The following KIAA1210 variants were observed in gnomAD, a reference collection of about 807,000 sequenced individuals.
The protein encoded by KIAA1210 is KIAA1210, also known as acrosomal protein KIAA1210.
KIAA1210 carries 48 observed loss-of-function variants against 78.9 expected under a neutral mutation model. The ratio of observed to expected loss-of-function variants is 0.61; its 90% CI spans 0.48 to 0.77. KIAA1210 has a LOEUF of 0.77. Ranked by LOEUF, KIAA1210 falls within the 30% of genes least tolerant of loss-of-function variation. The pLI is 0.00. For synonymous variants in KIAA1210, 406 were observed against 404.5 expected, an observed-to-expected ratio of 1.00 and a Z score of -0.04; for missense variants, 1,108 against 1,100.0, an observed-to-expected ratio of 1.01 and a Z score of -0.10.
At chrX:119,116,453 C>T (rs781524686) in intron 3 of KIAA1210, 43 bp downstream of exon 3, 1 of 1,180,154 alleles carries the variant, frequency 8.5e-7, no homozygotes, top group South Asian at 1.9e-5. Flanking sequence ...AACTGCCTGC[C>T]TCTTCCCCTG....
At position 119,087,645 on chromosome X, in the gene KIAA1210, T is replaced by C. The variant is rs772112683; in HGVS notation, c.3057A>G (p.Ser1019=). 1 of 1,211,450 alleles carries C rather than the reference T, an allele frequency of 8.3e-7. No homozygotes were observed. Among genetic ancestry groups the C allele is most frequent in the Non-Finnish European group, 1.1e-6 (1 of 895,393 alleles). Residue 1019 remains serine, a synonymous_variant, in exon 9 of 12, where the codon TCA becomes TCG. Transcript: ENST00000691062. ...KSPIPRRPTQ[S]FVKFMAQQIF... ...TTTGCTGTGCCATAAATTTCACGAATGACTGGGTCGGACGCCTGGGAATCG... is the reference window on the plus strand; with the variant it reads ...TTTGCTGTGCCATAAATTTCACGAACGACTGGGTCGGACGCCTGGGAATCG...
chrX:119,122,809 G>A (rs1295715202), intron 2 of KIAA1210, among the ~76,000 whole-genome samples: 1 of 111,887 alleles, frequency 8.9e-6, no homozygotes, highest in African/African-American at 3.3e-5. Context: ...CTGTGATCAG[G>A]CTCTCAGCAT....
At chrX:119,100,196 G>T (rs1166852293) in intron 6 of KIAA1210, among the ~76,000 whole-genome samples, 1 of 109,643 alleles carries the variant, frequency 9.1e-6, no homozygotes, top group South Asian at 4.0e-4. Flanking sequence ...CGGGCATGGT[G>T]GTGCACACCT....
In KIAA1210 at chrX:119,088,397, T is replaced by A. The variant is rs3761592; in HGVS notation, c.2305A>T (p.Ile769Phe). The change falls in exon 9 of 12, where the codon ATC becomes TTC. Residue 769 changes from isoleucine (I) to phenylalanine (F), a missense_variant. Coordinates refer to ENST00000691062, the MANE Select transcript of KIAA1210 (RefSeq NM_001394962.1). ...SIKQSDSVEP[I>F]PPRHPFQPWV... ...GGCTGGAAAGGGTGTCTTGGAGGGA[T>A]TGGCTCCACGGAATCGCTCTGTTTT... is the stretch of plus-strand genomic sequence containing the variant. 0.097 allele frequency: 117,074 copies of A among 1,208,446 alleles called. 8,787 individuals carry two copies. Among genetic ancestry groups the A allele is most frequent in the East Asian group, 0.47 (15,678 of 33,627 alleles).
chrX:119,133,420 G>A (rs750155050), intron 2 of KIAA1210, among the ~76,000 whole-genome samples: 3 of 111,789 alleles, frequency 2.7e-5, no homozygotes, highest in Admixed American at 9.5e-5. Flanking sequence ...ATTTGGTGGG[G>A]TAGGGGTTTG....
rs764380615 is a variant in KIAA1210 at position 119,087,822 on chromosome X, G to A, written c.2880C>T (p.Ser960=). The change falls in exon 9 of 12, where the codon TCC becomes TCT. Residue 960 remains serine (S), a synonymous_variant. Coordinates refer to ENST00000691062, the MANE Select transcript of KIAA1210 (RefSeq NM_001394962.1). ...CAATAGCAGCCCGCTCGAAATTTGAGGACAGTTGCTGGACTTTATTTCCCA... is the reference window on the plus strand; with the variant it reads ...CAATAGCAGCCCGCTCGAAATTTGAAGACAGTTGCTGGACTTTATTTCCCA... ...LTVGNKVQQL[S]SNFERAAIEA... is the part of the protein sequence containing the mutation. 5 of 1,211,682 alleles carry A rather than the reference G, an allele frequency of 4.1e-6. No individual in the cohort carries two copies. The East Asian group carries it at 1.5e-4, about 36-fold the overall frequency.
chrX:119,124,888 CAAA>C (rs372888063), intron 1 of KIAA1210, among the ~76,000 whole-genome samples: 3 of 70,440 alleles, frequency 4.3e-5, no homozygotes, highest in Non-Finnish European at 2.8e-5. Flanking sequence ...GACCCTGTCT[CAAA>C]AAAAAAAAAA....
chrX:119,143,332 T>C (rs756964314), intron 2 of KIAA1210, among the ~76,000 whole-genome samples: 10 of 112,300 alleles, frequency 8.9e-5, no homozygotes, highest in African/African-American at 3.2e-4. Context: ...TTAGCCACCA[T>C]TGGATCAATA....
At chrX:119,128,099 G>A (rs757281055), upstream of KIAA1210, among the ~76,000 whole-genome samples, 42 of 111,124 alleles carry the variant, frequency 3.8e-4, no homozygotes, top group African/African-American at 1.2e-3. Flanking sequence ...GAGCAGAATT[G>A]CAAGCCACGT....
intron 2 of KIAA1210, among the ~76,000 whole-genome samples, chrX:119,139,764 G>A (rs142675651): frequency 1.2e-3 from 131 of 111,778 alleles, no homozygotes; most frequent in African/African-American, 3.9e-3. Context: ...GGCAAGTGTG[G>A]TGAAGAAAAA....
chrX:119,093,620 T>C (rs1009432463), intron 8 of KIAA1210, 47 bp downstream of exon 8: 1 of 984,003 alleles, frequency 1.0e-6, no homozygotes, highest in Non-Finnish European at 1.4e-6. Context: ...CACTGTGCAA[T>C]GAAGTCTGTC....
intron 1 of KIAA1210, among the ~76,000 whole-genome samples, chrX:119,148,506 G>A (rs919857908): frequency 1.8e-5 from 2 of 111,794 alleles, no homozygotes; most frequent in East Asian, 5.6e-4. Context: ...TGTGCAATAT[G>A]GTATCACATA....
intron 2 of KIAA1210, among the ~76,000 whole-genome samples, chrX:119,143,386 A>T (rs373573762): frequency 1.8e-5 from 2 of 112,062 alleles, no homozygotes; most frequent in East Asian, 5.6e-4. Context: ...CTCCTGGGAA[A>T]CCAGCTGTCC....
At chrX:119,101,855 T>C (rs1248849586) in intron 6 of KIAA1210, among the ~76,000 whole-genome samples, 1 of 112,234 alleles carries the variant, frequency 8.9e-6, no homozygotes, top group African/African-American at 3.2e-5. Flanking sequence ...ATACCACTTA[T>C]TGGCTGTCTG....
At chrX:119,151,123 G>T (rs1366865758), upstream of KIAA1210, among the ~76,000 whole-genome samples, 1 of 112,403 alleles carries the variant, frequency 8.9e-6, no homozygotes, top group Non-Finnish European at 1.9e-5. Flanking sequence ...CCCACAGGCC[G>T]AAGCAATAAC....
rs1410147840 is a variant in KIAA1210, at chrX:119,087,939, C to T, written c.2763G>A (p.Leu921=). 8.3e-7 allele frequency: 1 copy of T among 1,211,821 alleles called. No individual in the cohort carries two copies. The highest frequency in any genetic ancestry group is 2.2e-5 in the Admixed American group (1 of 46,064). Residue 921 remains leucine (L), a synonymous_variant, in exon 9 of 12, where the codon CTG becomes CTA. Transcript: ENST00000691062. Reference sequence around the variant, plus strand: ...TTTCTGGATGTGCAGAGAGTTGATACAGTTCCTCAAATTTAGGGGTCACCC... The same window carrying T: ...TTTCTGGATGTGCAGAGAGTTGATATAGTTCCTCAAATTTAGGGGTCACCC... The part of the protein sequence containing the change: ...PPWVTPKFEE[L]YQLSAHPEST...
upstream of KIAA1210, chrX:119,150,686 C>A: frequency 5.8e-6 from 5 of 858,132 alleles, no homozygotes; most frequent in South Asian, 9.7e-5. Flanking sequence ...CACGCACACG[C>A]ACACCTGCGC....
At chrX:119,111,694 T>G (rs1347711693) in intron 3 of KIAA1210, among the ~76,000 whole-genome samples, 2 of 111,214 alleles carry the variant, frequency 1.8e-5, no homozygotes, top group Non-Finnish European at 3.8e-5. Context: ...CCATGGCACA[T>G]GTATACCTAT....
chrX:119,147,515 T>A (rs749573541), exon 2 of KIAA1210: 1 of 1,209,739 alleles, frequency 8.3e-7, no homozygotes, highest in South Asian at 1.8e-5. Context: ...CTGACTAGCA[T>A]GATGTGAGGG....
Sources: allele counts gnomAD v4.1 joint callset (sites outside exome capture counted in the v4.1 genomes callset), GRCh38; gene constraint gnomAD v4.1.1; transcripts MANE v1.5; gene names NCBI Gene and HGNC (gene_info 2026-07-23, HGNC 2026-07-21).